Variants in CHD9 observed in about 807,000 individuals in gnomAD.
CHD9 encodes ATP-dependent chromatin remodeler CHD9.
CHD9 carries 77 observed loss-of-function variants against 316.1 expected under a neutral mutation model. The ratio of observed to expected loss-of-function variants is 0.24; its 90% CI spans 0.20 to 0.29. The LOEUF is 0.29. Among genes scored for constraint, CHD9 ranks in the 10% least tolerant of loss-of-function variants. The pLI, the probability that CHD9 is intolerant of heterozygous loss-of-function variation, is 1.00. For missense variants in CHD9, 2,763 were observed against 3,438.1 expected (o/e 0.80, Z 4.91); for synonymous variants, 1,129 against 1,158.3 (o/e 0.97, Z 0.51).
At chr16:53,084,499 C>A (rs1012027619) in intron 1 of CHD9, among the ~76,000 whole-genome samples, 1 of 152,178 alleles carries the variant, frequency 6.6e-6, no homozygotes, top group Non-Finnish European at 1.5e-5. Flanking sequence ...AATCCCAGCA[C>A]TTTGGGAGGC....
At chr16:53,084,361 G>A (rs930974918) in intron 1 of CHD9, among the ~76,000 whole-genome samples, 5 of 152,214 alleles carry the variant, frequency 3.3e-5, no homozygotes, top group African/African-American at 1.2e-4. Flanking sequence ...AAAGAGTCCT[G>A]AACTGGCCTT....
chr16:53,087,415 A>G (rs904317629), intron 1 of CHD9, among the ~76,000 whole-genome samples: 2 of 152,202 alleles, frequency 1.3e-5, no homozygotes, highest in East Asian at 1.9e-4. Context: ...TAAGCTGTGA[A>G]TATGAGACTC....
rs1370502114 is a variant in CHD9, at chr16:53,307,959, T to C, written c.7053+6T>C. 1 of 1,586,140 alleles carries C rather than the reference T, an allele frequency of 6.3e-7. No homozygotes were observed. The stretch of plus-strand genomic sequence containing the variant: ...TTACAGTGAAAATCAAAGACGTATG[T>C]GTATTTTTATTGCCCTAGGGCCTGA... On this transcript the variant is annotated splice_donor_region_variant and intron_variant, in intron 33 of 38. Transcript: ENST00000447540.
intron 1 of CHD9, among the ~76,000 whole-genome samples, chr16:53,133,785 T>C (rs2039512001): frequency 6.6e-6 from 1 of 152,174 alleles, no homozygotes; most frequent in Admixed American, 6.5e-5. Context: ...TTAGAAACTT[T>C]AATTACAAAC....
At chr16:53,261,860 C>T (rs531109678) in intron 19 of CHD9, among the ~76,000 whole-genome samples, 1 of 152,086 alleles carries the variant, frequency 6.6e-6, no homozygotes, top group Non-Finnish European at 1.5e-5. Flanking sequence ...TTAAAACATA[C>T]TACAATACTA....
intron 24 of CHD9, among the ~76,000 whole-genome samples, chr16:53,284,754 A>G (rs1166732714): frequency 6.6e-6 from 1 of 152,118 alleles, no homozygotes; most frequent in Non-Finnish European, 1.5e-5. Context: ...TACAACATCA[A>G]AACAGCATTT....
intron 1 of CHD9, among the ~76,000 whole-genome samples, chr16:53,120,260 T>A (rs12448170): frequency 0.74 from 112,367 of 151,704 alleles, 42,722 homozygotes; most frequent in African/African-American, 0.91. Flanking sequence ...AAAATTTTTT[T>A]AAAAAATTGC....
intron 1 of CHD9, among the ~76,000 whole-genome samples, chr16:53,084,020 G>C (rs889247508): frequency 6.6e-6 from 1 of 151,944 alleles, no homozygotes; most frequent in Non-Finnish European, 1.5e-5. Flanking sequence ...AAAGTTCTGG[G>C]ATTACAAGCG....
chr16:53,229,298 A>G (rs889991648), intron 8 of CHD9, among the ~76,000 whole-genome samples, 198 bp downstream of exon 8: 4 of 152,222 alleles, frequency 2.6e-5, no homozygotes, highest in Non-Finnish European at 5.9e-5. Context: ...ATAATTCAGA[A>G]TGGTAGATCA....
chr16:53,109,689 T>TTTTTTTA, intron 1 of CHD9, among the ~76,000 whole-genome samples: 1 of 104,258 alleles, frequency 9.6e-6, no homozygotes, highest in Non-Finnish European at 1.9e-5. Context: ...TTTTTTTTTT[T>TTTTTTTA]TTTTTTTTTT....
intron 1 of CHD9, among the ~76,000 whole-genome samples, chr16:53,140,130 C>G (rs1409655961): frequency 2.0e-5 from 3 of 151,696 alleles, no homozygotes; most frequent in African/African-American, 7.3e-5. Context: ...AGTCAATTTT[C>G]TATTTTTAAT....
chr16:53,142,303 T>TGTCAC (rs1327500502), intron 1 of CHD9, among the ~76,000 whole-genome samples: 1 of 152,206 alleles, frequency 6.6e-6, no homozygotes, highest in African/African-American at 2.4e-5. Flanking sequence ...AGTTTCATCA[T>TGTCAC]GTCACCCAGG....
intron 2 of CHD9, among the ~76,000 whole-genome samples, chr16:53,176,331 T>C (rs1314344278): frequency 1.3e-5 from 2 of 152,248 alleles, no homozygotes; most frequent in East Asian, 1.9e-4. Context: ...GTTTTTGTTT[T>C]TCCTCCGTCT....
At chr16:53,183,214 A>C (rs547088197) in intron 2 of CHD9, among the ~76,000 whole-genome samples, 15 of 152,242 alleles carry the variant, frequency 9.9e-5, no homozygotes, top group Non-Finnish European at 1.9e-4. Flanking sequence ...ACCTAGGTTT[A>C]ACAAATGTCG....
chr16:53,226,550 A>G, intron 5 of CHD9, 38 bp downstream of exon 5: 1 of 1,575,986 alleles, frequency 6.3e-7, no homozygotes, highest in African/African-American at 1.4e-5. Context: ...AAACATTTTA[A>G]ACCGACATAA....
At chr16:53,131,014 T>G (rs1329287487) in intron 1 of CHD9, 1 of 150,916 alleles carries the variant, frequency 6.6e-6, no homozygotes, top group Non-Finnish European at 1.5e-5. Flanking sequence ...CTCCCTCCAC[T>G]CCCTCCCTGC....
rs570041983 is a variant in CHD9 at position 53,167,534 on chromosome 16, A to G, written c.1452+9993A>G. On this transcript the variant is annotated intron_variant, in intron 2 of 38. Coordinates refer to ENST00000447540, the MANE Select transcript of CHD9 (RefSeq NM_001308319.2). ...GCACTTTCTCTTAGCCCTCTAGCTT[A>G]GTGATTTGTAATGAGTAATTTACAA... 2.3e-4 allele frequency among the ~76,000 whole-genome samples: 35 copies of G among 152,290 alleles called. No homozygotes were observed. The East Asian group carries it at 5.4e-3, about 23-fold the overall frequency.
At chr16:53,262,852 GAC>G in intron 19 of CHD9, 133 bp from the exon 20 acceptor site, 2 of 692,656 alleles carry the variant, frequency 2.9e-6, no homozygotes, top group African/African-American at 1.8e-5. Flanking sequence ...CTGTGTTTCA[GAC>G]CACTGAATTT....
chr16:53,116,887 G>A (rs945714591), intron 1 of CHD9, among the ~76,000 whole-genome samples: 2 of 152,180 alleles, frequency 1.3e-5, no homozygotes, highest in African/African-American at 4.8e-5. Flanking sequence ...GGAATGCTAT[G>A]CAGCCATAAA....
Sources: gnomAD v4.1 joint callset for allele counts (sites outside exome capture counted in the v4.1 genomes callset) on GRCh38, gnomAD v4.1.1 for gene constraint, MANE v1.5 for transcripts, NCBI Gene and HGNC (gene_info 2026-07-23, HGNC 2026-07-21) for gene names.